The following SLTM variants were observed in gnomAD, a reference collection of about 807,000 sequenced individuals.
SLTM encodes the protein SAFB-like transcription modulator.
A neutral mutation model predicts 134.6 loss-of-function variants in SLTM; 43 were observed. The observed-to-expected ratio is 0.32, with a 90% CI of 0.25 to 0.41. The LOEUF (loss-of-function observed/expected upper bound fraction) is 0.41, where lower values mean the gene tolerates loss of function less well. SLTM is among the 10% of genes least tolerant of loss of function. The pLI is 1.00. For missense variants in SLTM, 1,055 were observed against 1,288.8 expected (o/e 0.82, Z 2.78); for synonymous variants, 424 against 432.3 (o/e 0.98, Z 0.24).
chr15:58,916,729 A>T (rs921932914), intron 3 of SLTM: 10 of 436,278 alleles, frequency 2.3e-5, no homozygotes, highest in African/African-American at 1.8e-4. Context: ...TTTGTATCTC[A>T]TTTAACTAAA....
intron 9 of SLTM, among the ~76,000 whole-genome samples, chr15:58,896,831 G>A (rs1371138044): frequency 6.6e-6 from 1 of 152,128 alleles, no homozygotes; most frequent in Non-Finnish European, 1.5e-5. Flanking sequence ...CCCAAGCTAC[G>A]TGCTACAAAG....
intron 3 of SLTM, chr15:58,916,730 T>C (rs1345703203): frequency 2.3e-6 from 1 of 438,206 alleles, no homozygotes; most frequent in South Asian, 3.1e-5. Context: ...TTGTATCTCA[T>C]TTAACTAAAG....
At chr15:58,929,161 C>T (rs1466583139) in intron 2 of SLTM, among the ~76,000 whole-genome samples, 1 of 152,126 alleles carries the variant, frequency 6.6e-6, no homozygotes, top group African/African-American at 2.4e-5. Context: ...AGTAATTCAG[C>T]AACTTGATTG....
intron 2 of SLTM, among the ~76,000 whole-genome samples, chr15:58,928,404 A>G (rs1222820393): frequency 1.3e-5 from 2 of 152,198 alleles, no homozygotes; most frequent in East Asian, 1.9e-4. Flanking sequence ...TTAAAAGTTC[A>G]TAACAAAGAG....
At position 58,897,185 on chromosome 15, in the gene SLTM, A is replaced by G. The variant is rs2035148271; in HGVS notation, c.1157T>C (p.Ile386Thr). The G allele has an allele frequency of 5.0e-6, 8 of 1,613,290 alleles. No homozygotes were observed. Among genetic ancestry groups the G allele is most frequent in the Non-Finnish European group, 5.9e-6 (7 of 1,179,478 alleles). The change falls in exon 9 of 21, where the codon ATC becomes ACC. Residue 386 changes from isoleucine to threonine, a missense_variant. Ile to Thr is a moderately conservative substitution (Grantham distance 89). Around this residue, in one of 3 missense-constraint regions of SLTM, gnomAD observed 776 missense variants for 962.2 expected, o/e 0.81. Transcript: ENST00000380516. ...SGSSGSSTKN[I>T]WVSGLSSNTK... ...ATTAGATGAAAGTCCACTAACCCAG[A>G]TATTTTTAGTTGAGCTTCCACTGCT...
At chr15:58,926,735 C>G (rs1382116085) in intron 2 of SLTM, among the ~76,000 whole-genome samples, 1 of 151,906 alleles carries the variant, frequency 6.6e-6, no homozygotes, top group Non-Finnish European at 1.5e-5. Context: ...CTGCCTGAGC[C>G]TCCAGAGTAG....
intron 7 of SLTM, 95 bp from the exon 8 acceptor site, chr15:58,898,947 C>A: frequency 1.2e-6 from 1 of 850,262 alleles, no homozygotes; most frequent in South Asian, 1.5e-5. Flanking sequence ...CAAACTAGTG[C>A]TATTCATACA....
In SLTM at chr15:58,908,062, CTTT is replaced by C. The variant is rs71119416; in HGVS notation, c.561+4498_561+4500del. Among the ~76,000 whole-genome samples, 4 of 135,002 alleles carry C rather than the reference CTTT, an allele frequency of 3.0e-5. 1 individual carries two copies. The Admixed American group carries it at 3.0e-4, about 10-fold the overall frequency. The allele number at this position is 135,002 out of a possible 152,430, so 88.6% of individuals were successfully genotyped here. A position where few individuals can be genotyped will look rare whatever the true frequency, so the allele number is the denominator to read the frequency against. The stretch of plus-strand genomic sequence containing the variant: ...ACATATACATAATTTCTTTTTCTTT[CTTT>C]TTTTTTTTTAAGACAGAGTCTTGCT... On this transcript the variant is annotated intron_variant, in intron 5 of 20. Coordinates refer to ENST00000380516, the MANE Select transcript of SLTM (RefSeq NM_024755.4).
intron 14 of SLTM, 49 bp from the exon 15 acceptor site, chr15:58,890,510 T>C (rs916607882): frequency 6.6e-7 from 1 of 1,525,614 alleles, no homozygotes; most frequent in African/African-American, 1.4e-5. Flanking sequence ...TAGCACTGTG[T>C]GAAAGAGAAT....
chr15:58,917,466 A>G (rs1354916725), intron 2 of SLTM, among the ~76,000 whole-genome samples: 1 of 152,208 alleles, frequency 6.6e-6, no homozygotes, highest in East Asian at 1.9e-4. Context: ...CTTACAATCC[A>G]TCAGGTGGTT....
At chr15:58,905,278 A>AT (rs1319467881) in intron 5 of SLTM, among the ~76,000 whole-genome samples, 9 of 152,378 alleles carry the variant, frequency 5.9e-5, no homozygotes, top group African/African-American at 1.9e-4. Context: ...CAAGGAAAGA[A>AT]TGAGTTATGC....
rs144055172 is a variant in SLTM at position 58,924,067 on chromosome 15, G to A, written c.251-7068C>T. Among the ~76,000 whole-genome samples, 824 of 152,126 alleles carry A rather than the reference G, an allele frequency of 5.4e-3. 3 individuals are homozygous for A. The highest frequency in any genetic ancestry group is 9.4e-3 in the Non-Finnish European group (639 of 68,000). ...TGGCCTCAAGTGATCCACCGGCCTC[G>A]GCCTCCCAAGGTGCTGGGATTAGAG... On this transcript the variant is annotated intron_variant, in intron 2 of 20. Coordinates refer to ENST00000380516, the MANE Select transcript of SLTM (RefSeq NM_024755.4).
chr15:58,894,249 A>G (rs1595856918), intron 10 of SLTM, 56 bp from the exon 11 acceptor site: 2 of 1,483,732 alleles, frequency 1.3e-6, no homozygotes, highest in South Asian at 1.2e-5. Flanking sequence ...TTTTGTGATT[A>G]TAAGAAGTGT....
chr15:58,882,998 G>T (rs1281248892), intron 20 of SLTM, among the ~76,000 whole-genome samples: 1 of 152,222 alleles, frequency 6.6e-6, no homozygotes, highest in Admixed American at 6.5e-5. Flanking sequence ...AGAACAAGAT[G>T]ATGGTTCCAA....
chr15:58,905,042 C>T (rs1434666857), intron 5 of SLTM, among the ~76,000 whole-genome samples: 1 of 152,124 alleles, frequency 6.6e-6, no homozygotes. Context: ...TGGTGTTTCA[C>T]CATGTTGGCC....
intron 2 of SLTM, among the ~76,000 whole-genome samples, chr15:58,918,046 C>T (rs779501306): frequency 2.6e-5 from 4 of 151,216 alleles, no homozygotes; most frequent in Non-Finnish European, 5.9e-5. Context: ...TGAGCCATTG[C>T]GCCCAGCTGG....
At chr15:58,893,194 A>G in intron 13 of SLTM, 85 bp downstream of exon 13, 2 of 1,421,176 alleles carry the variant, frequency 1.4e-6, no homozygotes, top group Non-Finnish European at 1.9e-6. Context: ...GCATGCAAGT[A>G]CGCAAAGATG....
chr15:58,905,273 A>G (rs964050014), intron 5 of SLTM, among the ~76,000 whole-genome samples: 6 of 152,276 alleles, frequency 3.9e-5, no homozygotes, highest in Non-Finnish European at 7.3e-5. Context: ...GACAGCAAGG[A>G]AAGAATGAGT....
chr15:58,893,898 T>C lies in SLTM; in HGVS notation c.1571A>G (p.Lys524Arg). 6.2e-7 allele frequency: 1 copy of C among 1,613,432 alleles called. No homozygotes were observed. Among genetic ancestry groups the C allele is most frequent in the South Asian group, 1.1e-5 (1 of 90,834 alleles). ...TGCTCCATTATCATTCTTCTCATCTTTACCTTCTATTTTCTTAGTATCCTT... is the reference window on the plus strand; with the variant it reads ...TGCTCCATTATCATTCTTCTCATCTCTACCTTCTATTTTCTTAGTATCCTT... ...ESKDTKKIEG[K>R]DEKNDNGASG... is the part of the protein sequence containing the mutation. Residue 524 changes from lysine (K) to arginine (R), a missense_variant, in exon 12 of 21, where the codon AAA becomes AGA. This residue lies in a region of SLTM where 776 missense variants were observed against 962.2 expected (regional missense o/e 0.81). Transcript: ENST00000380516.
Sources: allele counts gnomAD v4.1 joint callset (sites outside exome capture counted in the v4.1 genomes callset), GRCh38; gene constraint gnomAD v4.1.1; regional missense constraint gnomAD v4.1.1; transcripts MANE v1.5; gene names NCBI Gene and HGNC (gene_info 2026-07-23, HGNC 2026-07-21).